The following BEND6 variants were observed in gnomAD, a reference collection of about 807,000 sequenced individuals.
The protein encoded by BEND6 is BEN domain containing 6.
A neutral mutation model predicts 31.8 loss-of-function variants in BEND6; 24 were observed. The observed-to-expected ratio is 0.75, with a 90% confidence interval of 0.55 to 1.06. BEND6 has a LOEUF of 1.06. Ranked by LOEUF, BEND6 falls within the 50% of genes least tolerant of loss-of-function variation. The pLI is 0.00. For missense variants in BEND6, 294 were observed against 327.4 expected (o/e 0.90, Z 0.79); for synonymous variants, 109 against 114.6 (o/e 0.95, Z 0.31).
intron 1 of BEND6, among the ~76,000 whole-genome samples, chr6:56,956,322 A>T (rs995182532): frequency 2.6e-5 from 4 of 152,276 alleles, no homozygotes; most frequent in Admixed American, 6.5e-5. Flanking sequence ...TGGGAGGAAT[A>T]AAAGTTTTAT....
At chr6:56,998,738 A>G (rs1225135178) in intron 3 of BEND6, among the ~76,000 whole-genome samples, 1 of 151,478 alleles carries the variant, frequency 6.6e-6, no homozygotes, top group East Asian at 1.9e-4. Flanking sequence ...CCCCAAGAGC[A>G]TAGGCAACAA....
rs570420675 is a variant in BEND6 at position 56,977,762 on chromosome 6, AC to A, written c.-100-3947del. Among the ~76,000 whole-genome samples, 211 of 152,226 alleles carry A rather than the reference AC, an allele frequency of 1.4e-3. 1 individual carries two copies. Among genetic ancestry groups the A allele is most frequent in the African/African-American group, 4.7e-3 (197 of 41,542 alleles). On this transcript the variant is annotated intron_variant, in intron 1 of 6. Coordinates refer to ENST00000370746, the MANE Select transcript of BEND6 (RefSeq NM_152731.3). ...ACTTGAAGCCGGGAGTTTGAAATCA[AC>A]CTAGACAATACAGTGAGACCCCATC...
At chr6:56,985,888 A>G (rs1592991170) in intron 2 of BEND6, among the ~76,000 whole-genome samples, 2 of 152,210 alleles carry the variant, frequency 1.3e-5, no homozygotes, top group East Asian at 3.8e-4. Context: ...TTGAGATATT[A>G]CAAATATATT....
chr6:56,981,629 G>T lies in BEND6; in HGVS notation c.-100-82G>T, dbSNP rs1382187730. ...AAGAATAGGAAACATTAATAAAACT[G>T]GTTTATCTGAGTGGCTAGTACCATT... On this transcript the variant is annotated intron_variant, in intron 1 of 6. Coordinates refer to ENST00000370746, the MANE Select transcript of BEND6 (RefSeq NM_152731.3). 1.7e-5 allele frequency: 9 copies of T among 519,322 alleles called. No individual in the cohort carries two copies. The Admixed American group carries it at 2.8e-4, about 16-fold the overall frequency. The allele number at this position is 519,322 out of a possible 1,614,324, so 32.2% of individuals were successfully genotyped here. A position where few individuals can be genotyped will look rare whatever the true frequency, so the allele number is the denominator to read the frequency against.
intron 1 of BEND6, among the ~76,000 whole-genome samples, chr6:56,961,434 A>G (rs1825281942): frequency 6.6e-6 from 1 of 152,186 alleles, no homozygotes; most frequent in African/African-American, 2.4e-5. Context: ...CACCTAAGGT[A>G]ACTCCCACTG....
chr6:56,966,384 G>A (rs1453931763), intron 1 of BEND6, among the ~76,000 whole-genome samples: 2 of 152,152 alleles, frequency 1.3e-5, no homozygotes, highest in Admixed American at 6.5e-5. Flanking sequence ...TTACAGGCGT[G>A]AGCCACTGCG....
At chr6:57,017,503 T>C in intron 5 of BEND6, 104 bp downstream of exon 5, 1 of 996,308 alleles carries the variant, frequency 1.0e-6, no homozygotes, top group African/African-American at 1.7e-5. Context: ...AAGTTTATTT[T>C]TCTGGGAAAG....
At chr6:56,962,615 T>G (rs1050518513) in intron 1 of BEND6, among the ~76,000 whole-genome samples, 2 of 152,190 alleles carry the variant, frequency 1.3e-5, no homozygotes, top group African/African-American at 4.8e-5. Flanking sequence ...GTGGGCACTG[T>G]TCTTTGCACA....
Position 56,979,460 on chromosome 6 carries a change from T to C in BEND6, c.-100-2251T>C, listed in dbSNP as rs1356057116. ...GTAAACTTTATCTCAATTAAGAAAATTGTAACTTCATGGATTAACATCAAT... is the reference window on the plus strand; with the variant it reads ...GTAAACTTTATCTCAATTAAGAAAACTGTAACTTCATGGATTAACATCAAT... On this transcript the variant is annotated intron_variant, in intron 1 of 6. Coordinates refer to ENST00000370746, the MANE Select transcript of BEND6 (RefSeq NM_152731.3). Among the ~76,000 whole-genome samples the C allele has an allele frequency of 3.3e-5, 5 of 152,108 alleles. No individual in the cohort carries two copies. The East Asian group carries it at 7.7e-4, about 23-fold the overall frequency.
At chr6:57,012,040 G>T (rs752844840) in intron 3 of BEND6, among the ~76,000 whole-genome samples, 1 of 152,124 alleles carries the variant, frequency 6.6e-6, no homozygotes, top group Non-Finnish European at 1.5e-5. Flanking sequence ...CCAAAGGATC[G>T]CTTGAACCTG....
intron 6 of BEND6, among the ~76,000 whole-genome samples, chr6:57,024,992 G>GT (rs1827859404): frequency 6.6e-6 from 1 of 152,132 alleles, no homozygotes; most frequent in African/African-American, 2.4e-5. Context: ...CCATTCTGCT[G>GT]TTGAGAGCCT....
intron 1 of BEND6, among the ~76,000 whole-genome samples, chr6:56,964,365 T>C (rs901790260): frequency 1.3e-5 from 2 of 152,210 alleles, no homozygotes; most frequent in Non-Finnish European, 2.9e-5. Context: ...TCTTTCCCTC[T>C]TTCTGTGAAC....
rs748569907 is a variant in BEND6, at chr6:57,017,405, A to G, written c.712+6A>G. 1.5e-6 allele frequency: 2 copies of G among 1,341,138 alleles called. No individual in the cohort carries two copies. The highest frequency in any genetic ancestry group is 1.9e-6 in the Non-Finnish European group (2 of 1,035,648). The allele number at this position is 1,341,138 out of a possible 1,614,324, so 83.1% of individuals were successfully genotyped here. ...TGAAGTCCAAGAAATCATAGGTGAT[A>G]ATATGATTGCGTTATATTGTCGTAT... On this transcript the variant is annotated splice_donor_region_variant and intron_variant, in intron 5 of 6. Coordinates refer to ENST00000370746, the MANE Select transcript of BEND6 (RefSeq NM_152731.3).
chr6:56,972,735 AG>A (rs1825733313), intron 1 of BEND6, among the ~76,000 whole-genome samples: 1 of 152,212 alleles, frequency 6.6e-6, no homozygotes, highest in Non-Finnish European at 1.5e-5. Context: ...TGTATTAGTA[AG>A]CTCAGGCCGC....
At chr6:56,973,391 C>G (rs1825756877) in intron 1 of BEND6, among the ~76,000 whole-genome samples, 1 of 152,096 alleles carries the variant, frequency 6.6e-6, no homozygotes, top group Admixed American at 6.6e-5. Flanking sequence ...ATTCTAAGAC[C>G]CCAGTGGATG....
At chr6:57,010,431 G>A (rs902341304) in intron 3 of BEND6, 1 of 153,250 alleles carries the variant, frequency 6.5e-6, no homozygotes, top group Non-Finnish European at 1.4e-5. Context: ...ATTGACTAAG[G>A]TTTTTTTAAA....
chr6:57,016,609 A>G (rs1214436240), intron 4 of BEND6, among the ~76,000 whole-genome samples: 6 of 152,204 alleles, frequency 3.9e-5, no homozygotes, highest in Non-Finnish European at 8.8e-5. Flanking sequence ...CACTTCGGCC[A>G]TCTTCAAAGC....
In BEND6 at chr6:57,026,457, A is replaced by G. The variant is rs184102257; in HGVS notation, c.*385A>G. On this transcript the variant is annotated 3_prime_UTR_variant, in exon 7 of 7. Transcript: ENST00000370746. ...CAGCCCATAGGTTAGTCATTGTCCT[A>G]ACCAATCATTGTACATTGATTATTA... The G allele has an allele frequency of 5.9e-5, 9 of 152,342 alleles. No homozygotes were observed. The East Asian group carries it at 1.7e-3, about 29-fold the overall frequency. 9.4% of individuals were successfully genotyped at this position (152,342 alleles called of 1,614,324 possible).
chr6:57,003,761 C>T lies in BEND6; in HGVS notation c.298+11206C>T, dbSNP rs1008198361. 2.6e-5 allele frequency among the ~76,000 whole-genome samples: 4 copies of T among 152,100 alleles called. No individual in the cohort carries two copies. The East Asian group carries it at 5.8e-4, about 22-fold the overall frequency. On this transcript the variant is annotated intron_variant, in intron 3 of 6. Coordinates refer to ENST00000370746, the MANE Select transcript of BEND6 (RefSeq NM_152731.3). ...ACTACAGGCCAATATCCCTGATGAACATAGATGCAAAAATCCTCAACAAAA... is the reference window on the plus strand; with the variant it reads ...ACTACAGGCCAATATCCCTGATGAATATAGATGCAAAAATCCTCAACAAAA...
Sources: allele counts gnomAD v4.1 joint callset (sites outside exome capture counted in the v4.1 genomes callset), GRCh38; gene constraint gnomAD v4.1.1; transcripts MANE v1.5; gene names NCBI Gene and HGNC (gene_info 2026-07-23, HGNC 2026-07-21).